The following FOXO1 variants were observed in gnomAD, a reference collection of about 807,000 sequenced individuals.
The protein encoded by FOXO1 is forkhead box O1.
Under a neutral mutation model 44.1 loss-of-function variants are expected in FOXO1, and 6 were observed. That is an observed-to-expected ratio of 0.14 (90% CI 0.07 to 0.27). The LOEUF (loss-of-function observed/expected upper bound fraction) is 0.27. Ranked by LOEUF, FOXO1 falls within the 10% of genes least tolerant of loss-of-function variation. The pLI is 1.00. For synonymous variants in FOXO1, 380 were observed against 362.7 expected, an observed-to-expected ratio of 1.05 and a Z score of -0.54; for missense variants, 737 against 888.8, an observed-to-expected ratio of 0.83 and a Z score of 2.17.
chr13:40,626,927 C>T (rs139770168), intron 1 of FOXO1, among the ~76,000 whole-genome samples: 29 of 152,316 alleles, frequency 1.9e-4, no homozygotes, highest in African/African-American at 6.3e-4. Context: ...AATTTCACAA[C>T]CTTTTTCTAA....
chr13:40,586,487 C>A (rs948050373), intron 1 of FOXO1, among the ~76,000 whole-genome samples: 1 of 152,130 alleles, frequency 6.6e-6, no homozygotes, highest in African/African-American at 2.4e-5. Context: ...ACAGAGGCAC[C>A]CCCTTGTGAA....
At chr13:40,651,942 G>A (rs1372941292) in intron 1 of FOXO1, among the ~76,000 whole-genome samples, 1 of 152,124 alleles carries the variant, frequency 6.6e-6, no homozygotes, top group Non-Finnish European at 1.5e-5. Context: ...CAGTCATACA[G>A]ATTGAAGAAC....
chr13:40,662,498 G>A (rs1878070662), intron 1 of FOXO1, among the ~76,000 whole-genome samples: 1 of 152,152 alleles, frequency 6.6e-6, no homozygotes, highest in Non-Finnish European at 1.5e-5. Context: ...GTTCCACTTT[G>A]TGTGTGACCT....
chr13:40,632,071 A>C (rs923000219), intron 1 of FOXO1, among the ~76,000 whole-genome samples: 1 of 152,160 alleles, frequency 6.6e-6, no homozygotes, highest in Non-Finnish European at 1.5e-5. Context: ...GGAGATGGAG[A>C]CCATCCTGGC....
intron 1 of FOXO1, among the ~76,000 whole-genome samples, chr13:40,594,970 AG>A (rs1875521559): frequency 6.6e-6 from 1 of 152,208 alleles, no homozygotes; most frequent in African/African-American, 2.4e-5. Flanking sequence ...TATAGGTATG[AG>A]CCACCGCACC....
At chr13:40,564,265 T>C (rs1326828540) in intron 1 of FOXO1, among the ~76,000 whole-genome samples, 3 of 148,040 alleles carry the variant, frequency 2.0e-5, no homozygotes, top group Admixed American at 1.4e-4. Flanking sequence ...AGGTGGGACA[T>C]ATACTAATTT....
At chr13:40,624,317 T>TTAAAAAAAAAAAAAAAAAAAAA in intron 1 of FOXO1, among the ~76,000 whole-genome samples, 1 of 100,952 alleles carries the variant, frequency 9.9e-6, no homozygotes, top group Non-Finnish European at 2.1e-5. Flanking sequence ...TAATACTGCT[T>TTAAAAAAAAAAAAAAAAAAAAA]AAAAAAAAAA....
intron 1 of FOXO1, among the ~76,000 whole-genome samples, chr13:40,589,932 C>A (rs1201473023): frequency 6.6e-6 from 1 of 152,148 alleles, no homozygotes; most frequent in African/African-American, 2.4e-5. Context: ...AACAACTATG[C>A]AAAGAAGGAA....
chr13:40,605,789 G>A (rs1875974369), intron 1 of FOXO1, among the ~76,000 whole-genome samples: 1 of 152,082 alleles, frequency 6.6e-6, no homozygotes, highest in African/African-American at 2.4e-5. Flanking sequence ...CGTAAGCCCT[G>A]AACCTGCTTG....
At chr13:40,650,066 G>A (rs753621633) in intron 1 of FOXO1, among the ~76,000 whole-genome samples, 1 of 152,164 alleles carries the variant, frequency 6.6e-6, no homozygotes, top group Non-Finnish European at 1.5e-5. Context: ...AGCAGCCCAA[G>A]GGCTGCTGAT....
intron 1 of FOXO1, among the ~76,000 whole-genome samples, chr13:40,627,770 T>C (rs1876832189): frequency 6.6e-6 from 1 of 151,256 alleles, no homozygotes; most frequent in Admixed American, 6.6e-5. Flanking sequence ...GAGGCAGAGG[T>C]TGCAGTGAGC....
chr13:40,646,183 T>C (rs987930406), intron 1 of FOXO1, among the ~76,000 whole-genome samples: 4 of 151,956 alleles, frequency 2.6e-5, no homozygotes, highest in African/African-American at 9.7e-5. Flanking sequence ...CAGCCTTAGA[T>C]GGGAAATAAA....
Position 40,599,992 on chromosome 13 carries a change from G to A in FOXO1, c.631-39132C>T, listed in dbSNP as rs553060245. 6.6e-5 allele frequency among the ~76,000 whole-genome samples: 10 copies of A among 152,304 alleles called. No individual in the cohort carries two copies. The South Asian group carries it at 1.9e-3, about 28-fold the overall frequency. ...ATGATGAAATGGTTCCAGCCAACCA[G>A]GGGAAGAGAAAGAGGAAAACTCCAA... On this transcript the variant is annotated intron_variant, in intron 1 of 2. Coordinates refer to ENST00000379561, the MANE Select transcript of FOXO1 (RefSeq NM_002015.4).
intron 1 of FOXO1, among the ~76,000 whole-genome samples, chr13:40,605,021 C>A (rs931524575): frequency 2.6e-5 from 4 of 151,756 alleles, no homozygotes; most frequent in African/African-American, 9.7e-5. Flanking sequence ...TACTGATTTA[C>A]TAAAAATAAA....
Position 40,665,969 on chromosome 13 carries a change from C to T in FOXO1, c.244G>A (p.Asp82Asn), listed in dbSNP as rs34733279. The change falls in exon 1 of 3, where the codon GAC becomes AAC. Residue 82 changes from aspartate to asparagine, a missense_variant. By Grantham distance (23) the Asp-to-Asn change is conservative. Coordinates refer to ENST00000379561, the MANE Select transcript of FOXO1 (RefSeq NM_002015.4). ...SNLSLLEESE[D>N]FPQAPGSVAA... ...ACGGAGCCGGGCGCCTGCGGGAAGTCCTCGCTCTCCTCCAGCAAGCTCAGG... is the reference window on the plus strand; with the variant it reads ...ACGGAGCCGGGCGCCTGCGGGAAGTTCTCGCTCTCCTCCAGCAAGCTCAGG... 0.011 allele frequency: 13,976 copies of T among 1,233,356 alleles called. 573 individuals are homozygous for T. In the East Asian group the frequency reaches 0.14, roughly 13 times the overall value. The allele number at this position is 1,233,356 out of a possible 1,614,324, so 76.4% of individuals were successfully genotyped here. A position where few individuals can be genotyped will look rare whatever the true frequency, so the allele number is the denominator to read the frequency against.
chr13:40,568,109 G>A (rs747518186), intron 1 of FOXO1, among the ~76,000 whole-genome samples: 14 of 152,122 alleles, frequency 9.2e-5, no homozygotes, highest in Admixed American at 4.6e-4. Context: ...CAGGGAAAGC[G>A]GAAAGGTCCC....
intron 1 of FOXO1, among the ~76,000 whole-genome samples, chr13:40,611,580 G>C (rs1185800279): frequency 6.6e-6 from 1 of 152,148 alleles, no homozygotes; most frequent in African/African-American, 2.4e-5. Flanking sequence ...GGGTTCACGT[G>C]GACTTAAATG....
At chr13:40,660,393 C>T (rs999566257) in intron 1 of FOXO1, among the ~76,000 whole-genome samples, 1 of 152,194 alleles carries the variant, frequency 6.6e-6, no homozygotes, top group African/African-American at 2.4e-5. Context: ...TGCCAGGGAA[C>T]TGGGTAGTTT....
chr13:40,593,781 C>G (rs987968724), intron 1 of FOXO1, among the ~76,000 whole-genome samples: 9 of 152,148 alleles, frequency 5.9e-5, no homozygotes, highest in Non-Finnish European at 1.3e-4. Flanking sequence ...GACTTTGGAT[C>G]CTTCTCTGAC....
Sources: gnomAD v4.1 joint callset for allele counts (sites outside exome capture counted in the v4.1 genomes callset) on GRCh38, gnomAD v4.1.1 for gene constraint, MANE v1.5 for transcripts, NCBI Gene and HGNC (gene_info 2026-07-23, HGNC 2026-07-21) for gene names.